Variants in PDE3A observed in about 807,000 individuals in gnomAD.
PDE3A encodes the protein cGMP-inhibited 3',5'-cyclic phosphodiesterase 3A.
In PDE3A, 43 loss-of-function variants were observed where a neutral mutation model predicts 98.3. The observed-to-expected ratio is 0.44, with a 90% confidence interval of 0.34 to 0.56. The LOEUF (loss-of-function observed/expected upper bound fraction) is 0.56. Among genes scored for constraint, PDE3A ranks in the 20% least tolerant of loss-of-function variants. PDE3A has a pLI of 0.01. For missense variants in PDE3A, 1,427 were observed against 1,440.7 expected (o/e 0.99, Z 0.15); for synonymous variants, 663 against 567.9 (o/e 1.17, Z -2.38).
At chr12:20,417,249 T>C (rs1944436030) in intron 1 of PDE3A, among the ~76,000 whole-genome samples, 1 of 152,162 alleles carries the variant, frequency 6.6e-6, no homozygotes, top group Non-Finnish European at 1.5e-5. Context: ...AAAAAATACA[T>C]TGCAGTACAC....
intron 1 of PDE3A, among the ~76,000 whole-genome samples, chr12:20,432,890 C>T (rs1423434934): frequency 2.6e-5 from 4 of 151,756 alleles, no homozygotes; most frequent in African/African-American, 7.3e-5. Context: ...AGTAGAAAAC[C>T]CAACTAAAAA....
chr12:20,435,488 C>A (rs1191026585), intron 1 of PDE3A, among the ~76,000 whole-genome samples: 2 of 151,708 alleles, frequency 1.3e-5, no homozygotes, highest in South Asian at 2.1e-4. Flanking sequence ...ACTGCTGGAA[C>A]AATAGTGTAA....
intron 2 of PDE3A, among the ~76,000 whole-genome samples, chr12:20,560,167 A>G (rs1942476923): frequency 6.6e-6 from 1 of 152,214 alleles, no homozygotes; most frequent in Admixed American, 6.5e-5. Flanking sequence ...AGGCCTGATT[A>G]GAACAAAGGG....
At chr12:20,622,203 A>C (rs1486192655) in intron 5 of PDE3A, among the ~76,000 whole-genome samples, 1 of 151,984 alleles carries the variant, frequency 6.6e-6, no homozygotes, top group African/African-American at 2.4e-5. Flanking sequence ...TTCCATGGCA[A>C]CCCCAAACTC....
At chr12:20,521,760 G>T (rs150569043) in intron 1 of PDE3A, among the ~76,000 whole-genome samples, 1 of 152,212 alleles carries the variant, frequency 6.6e-6, no homozygotes, top group African/African-American at 2.4e-5. Flanking sequence ...GGCTGAAGAA[G>T]AGACCCCGAG....
rs11045287 is a variant in PDE3A, at chr12:20,505,917, G to A, written c.961-50743G>A. 7.8e-3 allele frequency among the ~76,000 whole-genome samples: 1,191 copies of A among 152,076 alleles called. 18 individuals are homozygous for A. Among genetic ancestry groups the A allele is most frequent in the African/African-American group, 0.026 (1,063 of 41,540 alleles). On this transcript the variant is annotated intron_variant, in intron 1 of 15. Transcript: ENST00000359062. ...CTCTGGTTGTATAAGGTGATAAGGCGCCAAGTCCATTGGTTAGTGCCCCCA... is the reference window on the plus strand; with the variant it reads ...CTCTGGTTGTATAAGGTGATAAGGCACCAAGTCCATTGGTTAGTGCCCCCA...
chr12:20,580,120 C>A (rs775843685), intron 2 of PDE3A, among the ~76,000 whole-genome samples: 2 of 152,118 alleles, frequency 1.3e-5, no homozygotes, highest in Non-Finnish European at 2.9e-5. Context: ...AGAAGTATTT[C>A]TTTAATTAAA....
In PDE3A at chr12:20,680,506, G is replaced by C; in HGVS notation, c.*235G>C. 2.0e-6 allele frequency: 1 copy of C among 503,100 alleles called. No individual in the cohort carries two copies. Among genetic ancestry groups the C allele is most frequent in the Non-Finnish European group, 3.6e-6 (1 of 276,646 alleles). The allele number at this position is 503,100 out of a possible 1,614,324, so 31.2% of individuals were successfully genotyped here. ...CCAGCTTCTAAGGATTTTTTAAGGA[G>C]GGAATATATATGTGTGTGTGTATAT... On this transcript the variant is annotated 3_prime_UTR_variant, in exon 16 of 16. Coordinates refer to ENST00000359062, the MANE Select transcript of PDE3A (RefSeq NM_000921.5).
chr12:20,667,662 T>C (rs1364174324), intron 15 of PDE3A, among the ~76,000 whole-genome samples: 2 of 152,212 alleles, frequency 1.3e-5, no homozygotes, highest in Non-Finnish European at 2.9e-5. Context: ...GCTGTTTTGT[T>C]TACTATACCC....
At chr12:20,677,026 A>G (rs1305946059) in intron 15 of PDE3A, among the ~76,000 whole-genome samples, 1 of 152,052 alleles carries the variant, frequency 6.6e-6, no homozygotes, top group Non-Finnish European at 1.5e-5. Context: ...TTTGTTCATT[A>G]TTATTATTTT....
At chr12:20,556,998 C>A (rs889311258) in intron 2 of PDE3A, 17 of 361,626 alleles carry the variant, frequency 4.7e-5, no homozygotes, top group African/African-American at 3.7e-4. Context: ...GATCAGCAAC[C>A]CACTCTCTTT....
intron 6 of PDE3A, among the ~76,000 whole-genome samples, chr12:20,633,484 G>C (rs1041624390): frequency 6.6e-6 from 1 of 152,070 alleles, no homozygotes; most frequent in African/African-American, 2.4e-5. Context: ...CTAATCCTTT[G>C]TATTGATTAC....
intron 1 of PDE3A, among the ~76,000 whole-genome samples, chr12:20,385,983 T>TAATATATATAAAATATATATATATA (rs1943753355): frequency 2.9e-5 from 2 of 69,900 alleles, no homozygotes; most frequent in East Asian, 9.7e-4. Context: ...TATTAATATA[T>TAATATATATAAAATATATATATATA]AATATATATA....
At chr12:20,383,400 A>T (rs115798363) in intron 1 of PDE3A, among the ~76,000 whole-genome samples, 1 of 151,946 alleles carries the variant, frequency 6.6e-6, no homozygotes, top group African/African-American at 2.4e-5. Flanking sequence ...TATTAACTGT[A>T]TAATACAGCT....
intron 2 of PDE3A, among the ~76,000 whole-genome samples, chr12:20,605,533 T>C (rs1160343056): frequency 6.6e-6 from 1 of 152,160 alleles, no homozygotes; most frequent in African/African-American, 2.4e-5. Context: ...TGTGTGTGTG[T>C]AAATGTAGAG....
intron 1 of PDE3A, among the ~76,000 whole-genome samples, chr12:20,410,332 G>A (rs1369849749): frequency 5.3e-5 from 8 of 152,170 alleles, no homozygotes; most frequent in Admixed American, 5.2e-4. Flanking sequence ...TGGGACCAAG[G>A]GAGAGTTAAG....
Position 20,640,777 on chromosome 12 carries a change from C to T in PDE3A, c.2251+820C>T, listed in dbSNP as rs376290369. Among the ~76,000 whole-genome samples, 25 of 151,672 alleles carry T rather than the reference C, an allele frequency of 1.6e-4. No homozygotes were observed. In the South Asian group the frequency reaches 3.8e-3, roughly 23 times the overall value. ...GGTTTGGGAGACAGTGTCTATAGGT[C>T]GAAACAGGGAAATTGTGGAGATGTT... On this transcript the variant is annotated intron_variant, in intron 10 of 15. Transcript: ENST00000359062.
At chr12:20,674,185 T>G (rs1198550974) in intron 15 of PDE3A, among the ~76,000 whole-genome samples, 1 of 152,202 alleles carries the variant, frequency 6.6e-6, no homozygotes, top group African/African-American at 2.4e-5. Flanking sequence ...GCAACTTTAC[T>G]CAATTTATTT....
rs552447265 is a variant in PDE3A, at chr12:20,521,900, C to T, written c.961-34760C>T. Among the ~76,000 whole-genome samples, 8 of 152,178 alleles carry T rather than the reference C, an allele frequency of 5.3e-5. No homozygotes were observed. In the South Asian group the frequency reaches 1.2e-3, roughly 24 times the overall value. On this transcript the variant is annotated intron_variant, in intron 1 of 15. Coordinates refer to ENST00000359062, the MANE Select transcript of PDE3A (RefSeq NM_000921.5). ...GTGGTGGCAGGCTGGGCAGGAAAAC[C>T]GCAACCACTTGCAAACAGCATGCAG... is the stretch of plus-strand genomic sequence containing the variant.
Sources: allele counts gnomAD v4.1 joint callset (sites outside exome capture counted in the v4.1 genomes callset), GRCh38; gene constraint gnomAD v4.1.1; transcripts MANE v1.5; gene names NCBI Gene and HGNC (gene_info 2026-07-23, HGNC 2026-07-21).